HSBP1L1: variants seen among roughly 807,000 people sequenced by gnomAD.
The protein encoded by HSBP1L1 is heat shock factor binding protein 1 like 1, also known as heat shock factor-binding protein 1-like protein 1.
HSBP1L1 carries 8 observed loss-of-function variants against 9.7 expected under a neutral mutation model. That is an observed-to-expected ratio of 0.82 (90% CI 0.48 to 1.48). The LOEUF (loss-of-function observed/expected upper bound fraction) is 1.48. HSBP1L1 is among the 40% of genes most tolerant of loss of function. HSBP1L1 has a pLI of 0.00. For missense variants in HSBP1L1, 106 were observed against 95.8 expected, an observed-to-expected ratio of 1.11 and a Z score of -0.44; for synonymous variants, 39 against 34.4, an observed-to-expected ratio of 1.13 and a Z score of -0.46.
In HSBP1L1 at chr18:79,970,643, A is replaced by G; in HGVS notation, c.*192A>G. ...CAAGCCAAGGAGAGCCCTCCCCAGA[A>G]ATCACACGGACCAGCACCTTGATCT... On this transcript the variant is annotated 3_prime_UTR_variant, in exon 4 of 4. Transcript: ENST00000451882. The G allele has an allele frequency of 1.7e-6, 1 of 587,950 alleles. No individual in the cohort carries two copies. The highest frequency in any genetic ancestry group is 3.1e-6 in the Non-Finnish European group (1 of 323,362). The allele number at this position is 587,950 out of a possible 1,614,324, so 36.4% of individuals were successfully genotyped here.
At chr18:79,970,182 G>C (rs1283892001) in intron 3 of HSBP1L1, 6 of 424,518 alleles carry the variant, frequency 1.4e-5, no homozygotes, top group Non-Finnish European at 2.2e-5. Flanking sequence ...CTAAGCTTTA[G>C]TTTTCTTCTC....
At chr18:79,969,331 AAAAGAAAGAAAG>A (rs1195209410) in intron 3 of HSBP1L1, among the ~76,000 whole-genome samples, 4,386 of 71,476 alleles carry the variant, frequency 0.061, 208 homozygotes, top group African/African-American at 0.073. Flanking sequence ...GAAAGAAAGA[AAAAGAAAGAAAG>A]AAAGAAAGAA....
intron 3 of HSBP1L1, among the ~76,000 whole-genome samples, chr18:79,969,391 GAAAAAAA>G (rs755308930): frequency 4.3e-5 from 4 of 93,048 alleles, no homozygotes; most frequent in East Asian, 7.2e-4. Context: ...AAGAAAGAAA[GAAAAAAA>G]AACGATGCAG....
chr18:79,968,116 A>G lies in HSBP1L1; in HGVS notation c.146A>G (p.Asp49Gly). 1 of 1,549,950 alleles carries G rather than the reference A, an allele frequency of 6.5e-7. No individual in the cohort carries two copies. The highest frequency in any genetic ancestry group is 8.7e-7 in the Non-Finnish European group (1 of 1,145,474). The stretch of plus-strand genomic sequence containing the variant: ...GAAGAAATGGGAAATCGCATTGAGG[A>G]CTTACAGAAGAATGTCAAGGACTTA... ...RMEEMGNRIE[D>G]LQKNVKDLMV... The change falls in exon 3 of 4, where the codon GAC (aspartate) becomes GGC (glycine). Residue 49 changes from aspartate to glycine, a missense_variant. Asp to Gly is a moderately conservative substitution (Grantham distance 94). Transcript: ENST00000451882.
intron 1 of HSBP1L1, among the ~76,000 whole-genome samples, chr18:79,966,301 T>A (rs1220605246): frequency 3.3e-5 from 5 of 152,086 alleles, no homozygotes; most frequent in Non-Finnish European, 7.4e-5. Context: ...CCCAGCACTT[T>A]GGGAGGTCAA....
intron 3 of HSBP1L1, among the ~76,000 whole-genome samples, chr18:79,969,613 C>T (rs1315586188): frequency 6.6e-6 from 1 of 152,150 alleles, no homozygotes; most frequent in Admixed American, 6.5e-5. Context: ...TCTCTGCGTG[C>T]GCTCAGAGCA....
chr18:79,966,558 C>CA, intron 1 of HSBP1L1, 54 bp from the exon 2 acceptor site: 1 of 1,198,542 alleles, frequency 8.3e-7, no homozygotes, highest in Non-Finnish European at 1.2e-6. Context: ...AAAAAAAAAA[C>CA]TCATATGCCA....
At chr18:79,966,026 G>C (rs912177876) in intron 1 of HSBP1L1, among the ~76,000 whole-genome samples, 2 of 152,058 alleles carry the variant, frequency 1.3e-5, no homozygotes, top group Non-Finnish European at 2.9e-5. Flanking sequence ...CCGCCTCCCG[G>C]GTTCACGCCA....
chr18:79,965,748 TCTC>T (rs2051253395), intron 1 of HSBP1L1, among the ~76,000 whole-genome samples: 1 of 152,062 alleles, frequency 6.6e-6, no homozygotes, highest in Non-Finnish European at 1.5e-5. Flanking sequence ...AGGTGTGTGA[TCTC>T]CTGCATTCAT....
Position 79,970,602 on chromosome 18 carries a change from A to AGAAGGAGGCCATCGGCAAGC in HSBP1L1, c.*152_*171dup. ...GCTCTCCCCTCCGTGCCTGCACCAG[A>AGAAGGAGGCCATCGGCAAGC]GAAGGAGGCCATCGGCAAGCCAAGG... On this transcript the variant is annotated 3_prime_UTR_variant, in exon 4 of 4. Coordinates refer to ENST00000451882, the MANE Select transcript of HSBP1L1 (RefSeq NM_001136180.2). 2 of 625,452 alleles carry AGAAGGAGGCCATCGGCAAGC rather than the reference A, an allele frequency of 3.2e-6. No homozygotes were observed. Among genetic ancestry groups the AGAAGGAGGCCATCGGCAAGC allele is most frequent in the Non-Finnish European group, 6.0e-6 (2 of 334,864 alleles). The allele number at this position is 625,452 out of a possible 1,614,324, so 38.7% of individuals were successfully genotyped here.
Position 79,970,532 on chromosome 18 carries a change from C to G in HSBP1L1, c.*81C>G, listed in dbSNP as rs1384921457. ...TCGGTCCTGAGGGTGGGGCCCTCAT[C>G]CAACAGGATTCGTCTTTCTGAGAAG... is the stretch of plus-strand genomic sequence containing the variant. On this transcript the variant is annotated 3_prime_UTR_variant, in exon 4 of 4. Transcript: ENST00000451882. The G allele has an allele frequency of 2.8e-6, 2 of 716,330 alleles. No homozygotes were observed. Among genetic ancestry groups the G allele is most frequent in the East Asian group, 2.7e-5 (1 of 37,234 alleles). 44.4% of individuals were successfully genotyped at this position (716,330 alleles called of 1,614,324 possible). A position where few individuals can be genotyped will look rare whatever the true frequency, so the allele number is the denominator to read the frequency against.
intron 3 of HSBP1L1, among the ~76,000 whole-genome samples, chr18:79,969,331 A>AAAAG (rs1195209410): frequency 0.018 from 1,283 of 71,892 alleles, 34 homozygotes; most frequent in African/African-American, 0.032. Context: ...GAAAGAAAGA[A>AAAAG]AAAGAAAGAA....
At chr18:79,966,489 G>A in intron 1 of HSBP1L1, 123 bp from the exon 2 acceptor site, 1 of 647,682 alleles carries the variant, frequency 1.5e-6, no homozygotes, top group South Asian at 1.8e-5. Context: ...GTTGTAGTGA[G>A]CTGAGATCGC....
At chr18:79,965,503 C>G (rs2051252353) in intron 1 of HSBP1L1, among the ~76,000 whole-genome samples, 1 of 152,148 alleles carries the variant, frequency 6.6e-6, no homozygotes, top group Non-Finnish European at 1.5e-5. Context: ...CCTCACTGTT[C>G]TCATCTCACC....
Position 79,966,571 on chromosome 18 carries a change from A to G in HSBP1L1, c.52-41A>G. 2 of 1,416,068 alleles carry G rather than the reference A, an allele frequency of 1.4e-6. 1 individual carries two copies. Among genetic ancestry groups the G allele is most frequent in the South Asian group, 2.6e-5 (2 of 77,070 alleles). The allele number at this position is 1,416,068 out of a possible 1,614,324, so 87.7% of individuals were successfully genotyped here. A position where few individuals can be genotyped will look rare whatever the true frequency, so the allele number is the denominator to read the frequency against. On this transcript the variant is annotated intron_variant, in intron 1 of 3. Coordinates refer to ENST00000451882, the MANE Select transcript of HSBP1L1 (RefSeq NM_001136180.2). The stretch of plus-strand genomic sequence containing the variant: ...AAAAAAAAAAAACTCATATGCCAAC[A>G]GTAAATATTTATTCAATTGTCTTAC...
intron 2 of HSBP1L1, 168 bp downstream of exon 2, chr18:79,966,846 T>C (rs916528362): frequency 1.7e-6 from 1 of 576,278 alleles, no homozygotes; most frequent in Non-Finnish European, 3.1e-6. Context: ...ACCCCTCACC[T>C]ATAGCAAAAG....
In HSBP1L1 at chr18:79,970,273, A is replaced by G. The variant is rs193085615; in HGVS notation, c.214-167A>G. On this transcript the variant is annotated intron_variant, in intron 3 of 3. Coordinates refer to ENST00000451882, the MANE Select transcript of HSBP1L1 (RefSeq NM_001136180.2). ...GCACTTAAGTCAGGGCAAGGTAGAC[A>G]GCAGGTACATAATGAGATAAACTTG... 498 of 600,856 alleles carry G rather than the reference A, an allele frequency of 8.3e-4. 1 individual carries two copies. Among genetic ancestry groups the G allele is most frequent in the Non-Finnish European group, 1.2e-3 (397 of 319,440 alleles). 37.2% of individuals were successfully genotyped at this position (600,856 alleles called of 1,614,324 possible).
At chr18:79,966,382 G>GA (rs916032353) in intron 1 of HSBP1L1, among the ~76,000 whole-genome samples, 2 of 152,076 alleles carry the variant, frequency 1.3e-5, no homozygotes. Flanking sequence ...CGTCTCTACT[G>GA]AAAGTATAAA....
At chr18:79,969,309 A>AAG (rs1555716335) in intron 3 of HSBP1L1, among the ~76,000 whole-genome samples, 1 of 44,186 alleles carries the variant, frequency 2.3e-5, no homozygotes, top group African/African-American at 8.3e-5. Flanking sequence ...AGAGAGAGAG[A>AAG]AAGGAAAGAA....
Sources: allele counts gnomAD v4.1 joint callset (sites outside exome capture counted in the v4.1 genomes callset), GRCh38; gene constraint gnomAD v4.1.1; transcripts MANE v1.5; gene names NCBI Gene and HGNC (gene_info 2026-07-23, HGNC 2026-07-21).